The following RALGAPA1 variants were observed in gnomAD, a reference collection of about 807,000 sequenced individuals.
RALGAPA1 encodes Ral GTPase activating protein catalytic subunit alpha 1.
RALGAPA1 carries 52 observed loss-of-function variants against 269.6 expected under a neutral mutation model. The observed-to-expected ratio is 0.19, with a 90% CI of 0.15 to 0.24. The LOEUF (loss-of-function observed/expected upper bound fraction) is 0.24, where lower values mean the gene tolerates loss of function less well. Among genes scored for constraint, RALGAPA1 ranks in the 10% least tolerant of loss-of-function variants. RALGAPA1 has a pLI of 1.00. For synonymous variants in RALGAPA1, 817 were observed against 1,008.3 expected (o/e 0.81, Z 3.60); for missense variants, 1,917 against 3,013.9 (o/e 0.64, Z 8.52).
intron 16 of RALGAPA1, chr14:35,716,060 C>A (rs1054054925): frequency 1.0e-6 from 1 of 984,984 alleles, no homozygotes. Flanking sequence ...AAGCCCCTTT[C>A]TTCCCAATTT....
At chr14:35,702,725 A>ATGT (rs33981277) in intron 16 of RALGAPA1, among the ~76,000 whole-genome samples, 4 of 77,066 alleles carry the variant, frequency 5.2e-5, no homozygotes, top group African/African-American at 1.4e-4. Flanking sequence ...TAAAAAAAAA[A>ATGT]AATATATATA....
chr14:35,572,738 A>G lies in RALGAPA1; in HGVS notation c.7210-20T>C, dbSNP rs2057300586. 1 of 1,577,170 alleles carries G rather than the reference A, an allele frequency of 6.3e-7. No individual in the cohort carries two copies. Among genetic ancestry groups the G allele is most frequent in the South Asian group, 1.2e-5 (1 of 84,922 alleles). ...TCTCAACTGGAAAGACAAGAAAACAATTTATACTGCTTTAAAAGCTCTTTG... is the reference window on the plus strand; with the variant it reads ...TCTCAACTGGAAAGACAAGAAAACAGTTTATACTGCTTTAAAAGCTCTTTG... On this transcript the variant is annotated intron_variant, in intron 37 of 41. Transcript: ENST00000680220.
At chr14:35,695,360 C>T (rs1482859332) in intron 17 of RALGAPA1, among the ~76,000 whole-genome samples, 5 of 152,042 alleles carry the variant, frequency 3.3e-5, no homozygotes, top group Non-Finnish European at 5.9e-5. Context: ...AAAGAAGGGC[C>T]TACTTCTTTG....
At chr14:35,645,612 T>A (rs1474056539) in intron 31 of RALGAPA1, among the ~76,000 whole-genome samples, 1 of 151,182 alleles carries the variant, frequency 6.6e-6, no homozygotes, top group South Asian at 2.1e-4. Flanking sequence ...GCGCCTGTAG[T>A]CCCAGCTACT....
At chr14:35,589,755 C>T (rs1300999774) in intron 37 of RALGAPA1, among the ~76,000 whole-genome samples, 1 of 152,058 alleles carries the variant, frequency 6.6e-6, no homozygotes, top group Non-Finnish European at 1.5e-5. Context: ...GGCTGTAGTG[C>T]AGTGGTGCAA....
Position 35,659,145 on chromosome 14 carries a change from G to T in RALGAPA1, c.5380C>A (p.Pro1794Thr). The change falls in exon 28 of 42, where the codon CCT (proline) becomes ACT (threonine). Residue 1794 changes from proline to threonine, a missense_variant. By Grantham distance (38) the Pro-to-Thr change is conservative. Around this residue, in one of 11 missense-constraint regions of RALGAPA1, gnomAD observed 346 missense variants for 566.1 expected, o/e 0.61. Transcript: ENST00000680220. ...TAAGAATATCCGACCTACCGTGCAG[G>T]ACCAGAGGGCTCATCTCTTGCCGAG... ...LSSARDEPSG[P>T]ARCVALCSLG... The T allele has an allele frequency of 6.2e-7, 1 of 1,608,956 alleles. No homozygotes were observed. The highest frequency in any genetic ancestry group is 8.5e-7 in the Non-Finnish European group (1 of 1,177,132).
chr14:35,762,844 G>C, intron 4 of RALGAPA1, 91 bp from the exon 5 acceptor site: 1 of 759,484 alleles, frequency 1.3e-6, no homozygotes, highest in South Asian at 1.5e-5. Context: ...TTTTAAATAA[G>C]TCCTTGGCAA....
intron 22 of RALGAPA1, chr14:35,677,639 A>T: frequency 3.7e-6 from 1 of 272,344 alleles, no homozygotes; most frequent in Non-Finnish European, 6.8e-6. Flanking sequence ...ACTAAGAATA[A>T]GGATGCCAAA....
At chr14:35,718,218 C>G (rs1422537718) in intron 16 of RALGAPA1, among the ~76,000 whole-genome samples, 1 of 152,214 alleles carries the variant, frequency 6.6e-6, no homozygotes, top group Non-Finnish European at 1.5e-5. Flanking sequence ...CTAGAATTGT[C>G]AGCTCCAGTG....
chr14:35,704,627 A>G (rs2067646774), intron 16 of RALGAPA1, among the ~76,000 whole-genome samples: 1 of 152,148 alleles, frequency 6.6e-6, no homozygotes, highest in Non-Finnish European at 1.5e-5. Context: ...AAATTTCAAC[A>G]TAGACTATAC....
At chr14:35,543,051 A>G (rs2054151490) in intron 41 of RALGAPA1, among the ~76,000 whole-genome samples, 1 of 152,222 alleles carries the variant, frequency 6.6e-6, no homozygotes, top group Non-Finnish European at 1.5e-5. Flanking sequence ...AGCAATTTCA[A>G]TTAATACTGA....
intron 31 of RALGAPA1, among the ~76,000 whole-genome samples, chr14:35,636,553 C>G (rs1165848474): frequency 3.3e-5 from 5 of 152,236 alleles, no homozygotes; most frequent in South Asian, 2.1e-4. Context: ...GACAGTCTTG[C>G]TCTGTCACCC....
chr14:35,779,093 C>T (rs527645388), intron 1 of RALGAPA1, among the ~76,000 whole-genome samples: 82 of 152,098 alleles, frequency 5.4e-4, no homozygotes, highest in Non-Finnish European at 9.9e-4. Context: ...CTATTATCTG[C>T]CTATAAGAAT....
chr14:35,709,219 GAATAT>G (rs1168530592), intron 16 of RALGAPA1, among the ~76,000 whole-genome samples: 4 of 152,152 alleles, frequency 2.6e-5, no homozygotes, highest in African/African-American at 9.6e-5. Flanking sequence ...ATAACTAAAA[GAATAT>G]AATTGGATGG....
At chr14:35,775,384 G>A (rs886215886) in intron 2 of RALGAPA1, among the ~76,000 whole-genome samples, 5 of 152,158 alleles carry the variant, frequency 3.3e-5, no homozygotes, top group African/African-American at 1.2e-4. Flanking sequence ...AAGGCACAAT[G>A]AGGGAACAAA....
chr14:35,731,325 CT>C (rs1242500444), intron 12 of RALGAPA1, among the ~76,000 whole-genome samples: 1 of 152,230 alleles, frequency 6.6e-6, no homozygotes, highest in Admixed American at 6.5e-5. Context: ...CAAAACAAGG[CT>C]CTTTAACACC....
At chr14:35,636,481 T>C (rs2139761526) in intron 31 of RALGAPA1, among the ~76,000 whole-genome samples, 1 of 152,326 alleles carries the variant, frequency 6.6e-6, no homozygotes, top group South Asian at 2.1e-4. Context: ...AGCTTCCATA[T>C]TATCAGAAGA....
intron 7 of RALGAPA1, among the ~76,000 whole-genome samples, chr14:35,753,713 A>C (rs1260341170): frequency 6.6e-6 from 1 of 152,040 alleles, no homozygotes; most frequent in African/African-American, 2.4e-5. Flanking sequence ...AAGAGGACTG[A>C]CTCCTAATGG....
intron 39 of RALGAPA1, among the ~76,000 whole-genome samples, chr14:35,560,195 T>C (rs1482762099): frequency 1.3e-5 from 2 of 152,240 alleles, no homozygotes; most frequent in African/African-American, 2.4e-5. Context: ...CCTTAGACAC[T>C]GGCTGCCATA....
Sources: allele counts gnomAD v4.1 joint callset (sites outside exome capture counted in the v4.1 genomes callset), GRCh38; gene constraint gnomAD v4.1.1; regional missense constraint gnomAD v4.1.1; transcripts MANE v1.5; gene names NCBI Gene and HGNC (gene_info 2026-07-23, HGNC 2026-07-21).